The following TRIM47 variants were observed in gnomAD, a reference collection of about 807,000 sequenced individuals.
TRIM47 encodes the protein tripartite motif containing 47, also known as E3 ubiquitin-protein ligase TRIM47.
In TRIM47, 46 loss-of-function variants were observed where a neutral mutation model predicts 54.4. That is an observed-to-expected ratio of 0.84 (90% CI 0.67 to 1.08). The LOEUF (loss-of-function observed/expected upper bound fraction) is 1.08. Among genes scored for constraint, TRIM47 ranks in the 50% least tolerant of loss-of-function variants. The probability of loss-of-function intolerance (pLI) is 0.00; values close to 1 mark genes in which losing one functional copy is unlikely to be tolerated. For missense variants in TRIM47, 825 were observed against 910.1 expected (o/e 0.91, Z 1.20); for synonymous variants, 392 against 410.2 (o/e 0.96, Z 0.54).
At position 75,874,601 on chromosome 17, in the gene TRIM47, T is replaced by C; in HGVS notation, c.1799A>G (p.His600Arg). ...TCTGTGGGTGAAGAGCCCCGCAAAG[T>C]GACTGTCCAGGCGGCTCTGGAAGGG... is the stretch of plus-strand genomic sequence containing the variant. ...IDPFQSRLDS[H>R]FAGLFTHRLK... The change falls in exon 6 of 6, where the codon CAC (histidine) becomes CGC (arginine). Residue 600 changes from histidine to arginine, a missense_variant. By Grantham distance (29) the His-to-Arg change is conservative. Transcript: ENST00000254816. The surrounding 1 kb of genome is among the most constrained non-coding windows in gnomAD (Gnocchi z 6.2). 1 of 1,553,164 alleles carries C rather than the reference T, an allele frequency of 6.4e-7. No individual in the cohort carries two copies. The highest frequency in any genetic ancestry group is 1.2e-5 in the South Asian group (1 of 82,582).
At position 75,876,281 on chromosome 17, in the gene TRIM47, T is replaced by G. The variant is rs1599436667; in HGVS notation, c.983A>C (p.Asp328Ala). The G allele has an allele frequency of 6.2e-7, 1 of 1,607,768 alleles. No individual in the cohort carries two copies. Among genetic ancestry groups the G allele is most frequent in the Non-Finnish European group, 8.5e-7 (1 of 1,178,744 alleles). ...CTTCACCTGCAGGAAGCTGACTGAGTCAGCTTCAGGGACCTGGCTGAGATT... is the reference window on the plus strand; with the variant it reads ...CTTCACCTGCAGGAAGCTGACTGAGGCAGCTTCAGGGACCTGGCTGAGATT... ...RQNLSQVPEADSVSFLQELLA... is the reference protein window; with the variant it reads ...RQNLSQVPEAASVSFLQELLA... The change falls in exon 3 of 6, where the codon GAC becomes GCC. Residue 328 changes from aspartate to alanine, a missense_variant. Physicochemically the swap from Asp to Ala is moderately radical, Grantham distance 126. Coordinates refer to ENST00000254816, the MANE Select transcript of TRIM47 (RefSeq NM_033452.3).
At chr17:75,876,599 G>C in intron 2 of TRIM47, 107 bp from the exon 3 acceptor site, 5 of 1,508,418 alleles carry the variant, frequency 3.3e-6, no homozygotes, top group Non-Finnish European at 4.5e-6. Flanking sequence ...TGAGGGGACA[G>C]AGGGGCCAGA....
chr17:75,875,304 G>A lies in TRIM47; in HGVS notation c.1276+96C>T, dbSNP rs373870867. 1 of 1,473,646 alleles carries A rather than the reference G, an allele frequency of 6.8e-7. No homozygotes were observed. The highest frequency in any genetic ancestry group is 1.1e-5 in the South Asian group (1 of 87,668). 91.3% of individuals were successfully genotyped at this position (1,473,646 alleles called of 1,614,324 possible). A position where few individuals can be genotyped will look rare whatever the true frequency, so the allele number is the denominator to read the frequency against. ...AGCTCTCCCCACAAACTGGGGAGAG[G>A]AATCCTAACCCTTGTGTGCCAGGGC... On this transcript the variant is annotated intron_variant, in intron 5 of 5. Transcript: ENST00000254816. This position sits in a 1 kb window ranked among gnomAD's most constrained non-coding sequence, Gnocchi z 6.1.
Position 75,875,259 on chromosome 17 carries a change from A to G in TRIM47, c.1277-136T>C. 8.4e-7 allele frequency: 1 copy of G among 1,196,330 alleles called. No individual in the cohort carries two copies. Among genetic ancestry groups the G allele is most frequent in the Non-Finnish European group, 1.1e-6 (1 of 902,390 alleles). The allele number at this position is 1,196,330 out of a possible 1,614,324, so 74.1% of individuals were successfully genotyped here. A position where few individuals can be genotyped will look rare whatever the true frequency, so the allele number is the denominator to read the frequency against. On this transcript the variant is annotated intron_variant, in intron 5 of 5. Transcript: ENST00000254816. The surrounding 1 kb of genome is among the most constrained non-coding windows in gnomAD (Gnocchi z 6.1). ...CCGGCACAACCCAGCCCCGCCGGGGACCACCCCAGGAGCTGCCCTAGCTCT... is the reference window on the plus strand; with the variant it reads ...CCGGCACAACCCAGCCCCGCCGGGGGCCACCCCAGGAGCTGCCCTAGCTCT...
rs1167835316 is a variant in TRIM47 at position 75,878,339 on chromosome 17, G to A, written c.210C>T (p.Asn70=). Reference sequence around the variant, plus strand: ...GCTGCAGCAGCTCGGACAGCGTGTGGTTCTTGCGGAGCTGAAGGCCGTCGG... The same window carrying A: ...GCTGCAGCAGCTCGGACAGCGTGTGATTCTTGCGGAGCTGAAGGCCGTCGG... ...PFPDGLQLRK[N]HTLSELLQLR... is the part of the protein sequence containing the mutation. Residue 70 remains asparagine, a synonymous_variant, in exon 1 of 6, where the codon AAC becomes AAT. Coordinates refer to ENST00000254816, the MANE Select transcript of TRIM47 (RefSeq NM_033452.3). 4 of 1,333,636 alleles carry A rather than the reference G, an allele frequency of 3.0e-6. No individual in the cohort carries two copies. In the East Asian group the frequency reaches 9.4e-5, roughly 31 times the overall value. 82.6% of individuals were successfully genotyped at this position (1,333,636 alleles called of 1,614,324 possible).
rs2065147856 is a variant in TRIM47, at chr17:75,878,227, C to T, written c.322G>A (p.Val108Ile). ...EPSAPSALPS[V>I]PEPSAPCAPE... ...GCGCAGGGGGCCGACGGCTCCGGGA[C>T]ACTGGGCAGCGCGCTGGGTGCCGAG... is the stretch of plus-strand genomic sequence containing the variant. Residue 108 changes from valine to isoleucine, a missense_variant, in exon 1 of 6, where the codon GTC becomes ATC. Transcript: ENST00000254816. 1.6e-6 allele frequency: 2 copies of T among 1,232,646 alleles called. No homozygotes were observed. Among genetic ancestry groups the T allele is most frequent in the Admixed American group, 4.3e-5 (1 of 23,350 alleles). 76.4% of individuals were successfully genotyped at this position (1,232,646 alleles called of 1,614,324 possible). A position where few individuals can be genotyped will look rare whatever the true frequency, so the allele number is the denominator to read the frequency against.
rs762817750 is a variant in TRIM47, at chr17:75,876,474, G to A, written c.790C>T (p.Arg264Trp). 1.9e-6 allele frequency: 3 copies of A among 1,606,700 alleles called. No homozygotes were observed. Among genetic ancestry groups the A allele is most frequent in the South Asian group, 2.2e-5 (2 of 90,648 alleles). Residue 264 changes from arginine to tryptophan, a missense_variant, in exon 3 of 6, where the codon CGG becomes TGG. Arg to Trp is a moderately radical substitution (Grantham distance 101). Coordinates refer to ENST00000254816, the MANE Select transcript of TRIM47 (RefSeq NM_033452.3). ...ALIKSAAVAE[R>W]ERVSRLFADA... ...GCAAACAGCCGGCTCACCCTCTCCC[G>A]CTCTGCTACGGCTGCACTCTGCACA...
Position 75,875,323 on chromosome 17 carries a change from C to T in TRIM47, c.1276+77G>A, listed in dbSNP as rs144261386. On this transcript the variant is annotated intron_variant, in intron 5 of 5. Coordinates refer to ENST00000254816, the MANE Select transcript of TRIM47 (RefSeq NM_033452.3). The surrounding 1 kb of genome is among the most constrained non-coding windows in gnomAD (Gnocchi z 6.1). ...GGAGAGGAATCCTAACCCTTGTGTG[C>T]CAGGGCCCTGCTGGGACCAGCCCAG... The T allele has an allele frequency of 5.4e-4, 829 of 1,527,374 alleles. 4 individuals carry two copies. In the African/African-American group the frequency reaches 9.8e-3, roughly 18 times the overall value. 94.6% of individuals were successfully genotyped at this position (1,527,374 alleles called of 1,614,324 possible).
chr17:75,875,002 G>A lies in TRIM47; in HGVS notation c.1398C>T (p.Thr466=). ...INYPLSPTRF[T]HCEQVLGEGA... is the part of the protein sequence containing the mutation. ...CCTCGCCCAGCACCTGCTCACAATG[G>A]GTGAAGCGGGTGGGCGACAAGGGGT... Residue 466 remains threonine, a synonymous_variant, in exon 6 of 6, where the codon ACC becomes ACT. Transcript: ENST00000254816. The surrounding 1 kb of genome is among the most constrained non-coding windows in gnomAD (Gnocchi z 6.1). 1 of 1,614,136 alleles carries A rather than the reference G, an allele frequency of 6.2e-7. No homozygotes were observed. The highest frequency in any genetic ancestry group is 1.1e-5 in the South Asian group (1 of 91,074).
rs753164056 is a variant in TRIM47 at position 75,875,452 on chromosome 17, G to C, written c.1224C>G (p.Leu408=). 2.0e-5 allele frequency: 33 copies of C among 1,613,892 alleles called. No homozygotes were observed. The East Asian group carries it at 6.9e-4, about 34-fold the overall frequency. Residue 408 remains leucine (L), a synonymous_variant, in exon 5 of 6, where the codon CTC becomes CTG. Transcript: ENST00000254816. This position sits in a 1 kb window ranked among gnomAD's most constrained non-coding sequence, Gnocchi z 6.1. The part of the protein sequence containing the change: ...DSEADAEPQD[L]ESTNLLESEA... The stretch of plus-strand genomic sequence containing the variant: ...CACTCTCCAAGAGGTTCGTACTCTC[G>C]AGGTCTTGGGGCTCAGCATCAGCTG...
At position 75,874,788 on chromosome 17, in the gene TRIM47, C is replaced by T. The variant is rs931694279; in HGVS notation, c.1612G>A (p.Ala538Thr). ...SFSVWFHGLEAPLPHPFSPTV... is the reference protein window; with the variant it reads ...SFSVWFHGLETPLPHPFSPTV... Reference sequence around the variant, plus strand: ...GGCGAGAAGGGGTGGGGCAGGGGAGCCTCCAGCCCATGAAACCAGACGGAG... The same window carrying T: ...GGCGAGAAGGGGTGGGGCAGGGGAGTCTCCAGCCCATGAAACCAGACGGAG... Residue 538 changes from alanine (A) to threonine (T), a missense_variant, in exon 6 of 6, where the codon GCT (alanine) becomes ACT (threonine). By Grantham distance (58) the Ala-to-Thr change is moderately conservative (BLOSUM62 0). Transcript: ENST00000254816. The surrounding 1 kb of genome is among the most constrained non-coding windows in gnomAD (Gnocchi z 6.2). The T allele has an allele frequency of 4.3e-6, 7 of 1,613,916 alleles. No individual in the cohort carries two copies. Among genetic ancestry groups the T allele is most frequent in the East Asian group, 2.2e-5 (1 of 44,878 alleles).
Position 75,876,767 on chromosome 17 carries a change from T to C in TRIM47, c.722A>G (p.Glu241Gly), listed in dbSNP as rs146809867. The C allele has an allele frequency of 1.7e-5, 27 of 1,614,068 alleles. No homozygotes were observed. The Admixed American group carries it at 3.0e-4, about 18-fold the overall frequency. ...VLSAVEDRMD[E>G]LGAGIAQSRR... ...GGACTGTGCAATGCCAGCACCCAGC[T>C]CGTCCATGCGGTCCTCCACGGCGCT... The change falls in exon 2 of 6, where the codon GAG (glutamate) becomes GGG (glycine). Residue 241 changes from glutamate (E) to glycine (G), a missense_variant. Glu to Gly is a moderately conservative substitution (Grantham distance 98). Coordinates refer to ENST00000254816, the MANE Select transcript of TRIM47 (RefSeq NM_033452.3).
chr17:75,878,578 T>C lies in TRIM47; in HGVS notation c.-30A>G, dbSNP rs762173251. On this transcript the variant is annotated 5_prime_UTR_variant, in exon 1 of 6. Transcript: ENST00000254816. ...CCGCGGCCGCCCAGGGCGCCGCCGA[T>C]TGTGCTCCGGCCTGGGAGGGACCCG... The C allele has an allele frequency of 2.1e-5, 26 of 1,259,432 alleles. No homozygotes were observed. Among genetic ancestry groups the C allele is most frequent in the Non-Finnish European group, 2.6e-5 (26 of 998,390 alleles). The allele number at this position is 1,259,432 out of a possible 1,614,324, so 78.0% of individuals were successfully genotyped here.
rs1335779380 is a variant in TRIM47, at chr17:75,877,919, G to A, written c.630C>T (p.Arg210=). 4.2e-6 allele frequency: 6 copies of A among 1,429,620 alleles called. No individual in the cohort carries two copies. Among genetic ancestry groups the A allele is most frequent in the Non-Finnish European group, 5.5e-6 (6 of 1,094,886 alleles). The allele number at this position is 1,429,620 out of a possible 1,614,324, so 88.6% of individuals were successfully genotyped here. The change falls in exon 1 of 6, where the codon CGC becomes CGT. Residue 210 remains arginine (R), a synonymous_variant. Transcript: ENST00000254816. The part of the protein sequence containing the change: ...LCEACAAQEH[R]GHELVPLEQE... ...GCTCCAGCGGCACCAGCTCGTGGCC[G>A]CGGTGCTCCTGTGCGGCGCAGGCCT...
chr17:75,878,237 C>T lies in TRIM47; in HGVS notation c.312G>A (p.Ala104=). The T allele has an allele frequency of 1.6e-6, 2 of 1,233,972 alleles. No individual in the cohort carries two copies. Among genetic ancestry groups the T allele is most frequent in the Non-Finnish European group, 1.0e-6 (1 of 988,738 alleles). 76.4% of individuals were successfully genotyped at this position (1,233,972 alleles called of 1,614,324 possible). The part of the protein sequence containing the change: ...ALAPEPSAPS[A]LPSVPEPSAP... The stretch of plus-strand genomic sequence containing the variant: ...CCGACGGCTCCGGGACACTGGGCAG[C>T]GCGCTGGGTGCCGAGGGCTCCGGGG... Residue 104 remains alanine, a synonymous_variant, in exon 1 of 6, where the codon GCG becomes GCA. Transcript: ENST00000254816.
Position 75,874,591 on chromosome 17 carries a change from C to A in TRIM47, c.1809G>T (p.Gly603=), listed in dbSNP as rs145314141. 1.1e-3 allele frequency: 1,627 copies of A among 1,546,560 alleles called. 1 individual carries two copies. The highest frequency in any genetic ancestry group is 3.2e-3 in the Middle Eastern group (18 of 5,698). ...CAGGCTTGAGTCTGTGGGTGAAGAG[C>A]CCCGCAAAGTGACTGTCCAGGCGGC... ...FQSRLDSHFA[G]LFTHRLKPAF... is the part of the protein sequence containing the mutation. Residue 603 remains glycine, a synonymous_variant, in exon 6 of 6, where the codon GGG becomes GGT. Transcript: ENST00000254816. This position sits in a 1 kb window ranked among gnomAD's most constrained non-coding sequence, Gnocchi z 6.2.
chr17:75,875,977 C>T lies in TRIM47; in HGVS notation c.1125G>A (p.Val375=). Residue 375 remains valine (V), a synonymous_variant, in exon 4 of 6, where the codon GTG becomes GTA. Transcript: ENST00000254816. The surrounding 1 kb of genome is among the most constrained non-coding windows in gnomAD (Gnocchi z 6.1). ...GCTGCTCCCACTGGTTGACGCAGGC[C>T]ACGGCCAGCATGTCTCTCACTGCAC... is the stretch of plus-strand genomic sequence containing the variant. ...AVRAVRDMLA[V]ACVNQWEQLR... The T allele has an allele frequency of 6.2e-7, 1 of 1,608,726 alleles. No homozygotes were observed. The highest frequency in any genetic ancestry group is 8.5e-7 in the Non-Finnish European group (1 of 1,179,988).
At position 75,878,278 on chromosome 17, in the gene TRIM47, G is replaced by A. The variant is rs1013387209; in HGVS notation, c.271C>T (p.Pro91Ser). 2.3e-5 allele frequency: 29 copies of A among 1,262,496 alleles called. No homozygotes were observed. The highest frequency in any genetic ancestry group is 2.9e-5 in the Non-Finnish European group (29 of 1,003,104). 78.2% of individuals were successfully genotyped at this position (1,262,496 alleles called of 1,614,324 possible). A position where few individuals can be genotyped will look rare whatever the true frequency, so the allele number is the denominator to read the frequency against. Residue 91 changes from proline (P) to serine (S), a missense_variant, in exon 1 of 6, where the codon CCG becomes TCG. Coordinates refer to ENST00000254816, the MANE Select transcript of TRIM47 (RefSeq NM_033452.3). ...QGSGPGSGPG[P>S]APALAPEPSA... Reference sequence around the variant, plus strand: ...GGCTCCGGGGCCAGGGCAGGGGCCGGGCCGGGGCCGGACCCGGGGCCCGAG... The same window carrying A: ...GGCTCCGGGGCCAGGGCAGGGGCCGAGCCGGGGCCGGACCCGGGGCCCGAG...
Position 75,876,468 on chromosome 17 carries a change from TCTCCCGCTCTGCTACGG to T in TRIM47, c.779_795del (p.Ala260GlufsTer38), listed in dbSNP as rs749396614. ...GCATCTGCAAACAGCCGGCTCACCC[TCTCCCGCTCTGCTACGG>T]CTGCACTCTGCACAGGACGACAGTA... On this transcript the variant is annotated frameshift_variant, in exon 3 of 6. Coordinates refer to ENST00000254816, the MANE Select transcript of TRIM47 (RefSeq NM_033452.3). LOFTEE classifies it high-confidence loss of function. 1.2e-6 allele frequency: 2 copies of T among 1,608,250 alleles called. No individual in the cohort carries two copies. The highest frequency in any genetic ancestry group is 1.7e-5 in the Admixed American group (1 of 59,860).
Sources: gnomAD v4.1 joint callset for allele counts on GRCh38, gnomAD v4.1.1 for gene constraint, Gnocchi (gnomAD v3.1) non-coding constraint, MANE v1.5 for transcripts, NCBI Gene and HGNC (gene_info 2026-07-23, HGNC 2026-07-21) for gene names.